SNX24: variants seen among roughly 807,000 people sequenced by gnomAD.
The protein encoded by SNX24 is sorting nexin-24.
Under a neutral mutation model 28.7 loss-of-function variants are expected in SNX24, and 22 were observed. The ratio of observed to expected loss-of-function variants is 0.77; its 90% CI spans 0.55 to 1.10. The LOEUF (loss-of-function observed/expected upper bound fraction) is 1.10, where lower values mean the gene tolerates loss of function less well. Ranked by LOEUF, SNX24 falls within the 50% of genes least tolerant of loss-of-function variation. SNX24 has a pLI of 0.00. For synonymous variants in SNX24, 69 were observed against 71.5 expected (o/e 0.96, Z 0.18); for missense variants, 221 against 201.1 (o/e 1.10, Z -0.60).
intron 1 of SNX24, chr5:122,891,238 T>A: frequency 9.5e-7 from 1 of 1,051,780 alleles, no homozygotes; most frequent in Non-Finnish European, 1.3e-6. Flanking sequence ...TTAAAGTGCC[T>A]ATTTATTCTA....
intron 1 of SNX24, among the ~76,000 whole-genome samples, chr5:122,892,686 C>T (rs1218503327): frequency 6.6e-6 from 1 of 152,020 alleles, no homozygotes; most frequent in Admixed American, 6.6e-5. Context: ...GATCTGTCTG[C>T]CTCGGCCTCC....
chr5:122,937,904 T>C (rs1759244958), intron 2 of SNX24, among the ~76,000 whole-genome samples: 1 of 152,210 alleles, frequency 6.6e-6, no homozygotes, highest in South Asian at 2.1e-4. Flanking sequence ...TTTTTGTTTA[T>C]GTGTTTTGGG....
chr5:122,954,888 T>C (rs765353841), intron 3 of SNX24, among the ~76,000 whole-genome samples: 5 of 152,188 alleles, frequency 3.3e-5, no homozygotes, highest in Non-Finnish European at 7.4e-5. Context: ...TCCTGGTTTC[T>C]TGAATCTGTA....
Position 123,007,642 on chromosome 5 carries a change from GTTTTTCTTTTTTTTTTCTTTTTT to G in SNX24, c.443-26_443-4del, listed in dbSNP as rs774011445. ...TATTTTGTTTCACATAAGAAAAGCA[GTTTTTCTTTTTTTTTTCTTTTTT>G]TTTTTCTTTTTTTCAGATTTTCCAA... On this transcript the variant is annotated splice_polypyrimidine_tract_variant and intron_variant, in intron 6 of 6. Transcript: ENST00000261369. The G allele has an allele frequency of 1.3e-5, 20 of 1,514,700 alleles. No individual in the cohort carries two copies. In the African/African-American group the frequency reaches 2.7e-4, roughly 21 times the overall value. 93.8% of individuals were successfully genotyped at this position (1,514,700 alleles called of 1,614,324 possible). A position where few individuals can be genotyped will look rare whatever the true frequency, so the allele number is the denominator to read the frequency against.
At chr5:122,957,932 T>C (rs1416082557) in intron 3 of SNX24, among the ~76,000 whole-genome samples, 1 of 152,190 alleles carries the variant, frequency 6.6e-6, no homozygotes, top group Admixed American at 6.5e-5. Context: ...TTGTAGAGTC[T>C]TAAGGATTTT....
At chr5:122,951,862 C>G (rs892004782) in intron 3 of SNX24, among the ~76,000 whole-genome samples, 1 of 152,070 alleles carries the variant, frequency 6.6e-6, no homozygotes, top group African/African-American at 2.4e-5. Context: ...TCAGAGTCTG[C>G]GGGTAAGGCA....
At chr5:122,943,548 C>T (rs1436005806) in intron 2 of SNX24, among the ~76,000 whole-genome samples, 1 of 152,236 alleles carries the variant, frequency 6.6e-6, no homozygotes, top group Non-Finnish European at 1.5e-5. Context: ...CTCTTCCAAG[C>T]TCATTCAGGC....
At chr5:122,895,008 CTTTTTTT>C (rs11292012) in intron 1 of SNX24, among the ~76,000 whole-genome samples, 1 of 144,450 alleles carries the variant, frequency 6.9e-6, no homozygotes, top group Non-Finnish European at 1.5e-5. Context: ...TTTAACAGTA[CTTTTTTT>C]TTTTTTTTTA....
intron 3 of SNX24, among the ~76,000 whole-genome samples, chr5:122,975,197 C>T (rs1467741257): frequency 1.3e-5 from 2 of 152,228 alleles, no homozygotes; most frequent in African/African-American, 4.8e-5. Context: ...TAGTTCTCCA[C>T]ACCAGATTAT....
chr5:122,991,491 G>T (rs559833452), intron 3 of SNX24, among the ~76,000 whole-genome samples: 1 of 152,154 alleles, frequency 6.6e-6, no homozygotes, highest in Non-Finnish European at 1.5e-5. Flanking sequence ...ACAGAGTCTC[G>T]CTCTGTCGCC....
chr5:122,865,654 AAT>A (rs1489624530), intron 1 of SNX24, among the ~76,000 whole-genome samples: 2 of 152,286 alleles, frequency 1.3e-5, no homozygotes, highest in Non-Finnish European at 2.9e-5. Context: ...CTTGCTTTTT[AAT>A]TCAATAGGCA....
intron 1 of SNX24, among the ~76,000 whole-genome samples, chr5:122,906,503 C>T (rs1757651259): frequency 6.6e-6 from 1 of 152,072 alleles, no homozygotes; most frequent in African/African-American, 2.4e-5. Flanking sequence ...GGTTTATGTA[C>T]TGTTGGTATT....
intron 1 of SNX24, chr5:122,890,910 T>G: frequency 9.7e-7 from 1 of 1,029,992 alleles, no homozygotes; most frequent in Non-Finnish European, 1.3e-6. Flanking sequence ...ACAGGAATTG[T>G]TAATTAAAAT....
At chr5:122,933,930 G>T (rs1759073605) in intron 1 of SNX24, among the ~76,000 whole-genome samples, 1 of 150,842 alleles carries the variant, frequency 6.6e-6, no homozygotes, top group Non-Finnish European at 1.5e-5. Flanking sequence ...TTACAGGCAC[G>T]CACCACCACA....
chr5:122,926,246 C>T (rs1268294519), intron 1 of SNX24, among the ~76,000 whole-genome samples: 2 of 152,126 alleles, frequency 1.3e-5, no homozygotes. Context: ...AGTGAGGGAA[C>T]GTGCCTATTA....
At chr5:122,857,203 G>C (rs1755234777) in intron 1 of SNX24, among the ~76,000 whole-genome samples, 1 of 151,734 alleles carries the variant, frequency 6.6e-6, no homozygotes, top group South Asian at 2.1e-4. Context: ...GTAGAGACAG[G>C]GTTTCACCAT....
At chr5:122,916,408 T>C (rs969640103) in intron 1 of SNX24, among the ~76,000 whole-genome samples, 1 of 152,236 alleles carries the variant, frequency 6.6e-6, no homozygotes, top group Non-Finnish European at 1.5e-5. Context: ...GCCTGCTTTG[T>C]TCTGTTGGCA....
intron 3 of SNX24, among the ~76,000 whole-genome samples, chr5:122,982,817 A>G (rs1172030194): frequency 6.6e-6 from 1 of 152,214 alleles, no homozygotes; most frequent in Non-Finnish European, 1.5e-5. Flanking sequence ...AATTTAAAAG[A>G]ATAATAAAAA....
intron 2 of SNX24, among the ~76,000 whole-genome samples, chr5:122,937,036 A>G (rs1286977964): frequency 6.6e-6 from 1 of 152,232 alleles, no homozygotes; most frequent in Non-Finnish European, 1.5e-5. Flanking sequence ...ATTTGCATGT[A>G]AAAATCTCAG....
Sources: allele counts gnomAD v4.1 joint callset (sites outside exome capture counted in the v4.1 genomes callset), GRCh38; gene constraint gnomAD v4.1.1; transcripts MANE v1.5; gene names NCBI Gene and HGNC (gene_info 2026-07-23, HGNC 2026-07-21).